The following MRPL38 variants were observed in gnomAD, a reference collection of about 807,000 sequenced individuals.
MRPL38 encodes large ribosomal subunit protein mL38.
A neutral mutation model predicts 52.1 loss-of-function variants in MRPL38; 51 were observed. The observed-to-expected ratio is 0.98, with a 90% CI of 0.78 to 1.24. The LOEUF (loss-of-function observed/expected upper bound fraction) is 1.24. Ranked by LOEUF, MRPL38 falls within the 50% of genes most tolerant of loss-of-function variation. MRPL38 has a pLI of 0.00. For missense variants in MRPL38, 527 were observed against 518.6 expected (o/e 1.02, Z -0.16); for synonymous variants, 245 against 212.7 (o/e 1.15, Z -1.32).
Position 75,900,656 on chromosome 17 carries a change from G to A in MRPL38, c.710+326C>T, listed in dbSNP as rs1022486194. The A allele has an allele frequency of 1.5e-4, 98 of 666,220 alleles. No homozygotes were observed. The Middle Eastern group carries it at 1.7e-3, about 11-fold the overall frequency. The allele number at this position is 666,220 out of a possible 1,614,324, so 41.3% of individuals were successfully genotyped here. A position where few individuals can be genotyped will look rare whatever the true frequency, so the allele number is the denominator to read the frequency against. On this transcript the variant is annotated intron_variant, in intron 6 of 8. Coordinates refer to ENST00000309352, the MANE Select transcript of MRPL38 (RefSeq NM_032478.4). The stretch of plus-strand genomic sequence containing the variant: ...AGAGCACCTGAGCCCAGGAGTTAGC[G>A]GCTGCAATTAGCCATGATTGCACCA...
chr17:75,901,518 G>T lies in MRPL38; in HGVS notation c.591+194C>A. ...CACCACAGACAGCAGGCTGGTCACA[G>T]GAATGTGCTAAGACAGAGCCTCTTT... On this transcript the variant is annotated intron_variant, in intron 4 of 8. Transcript: ENST00000309352. This position sits in a 1 kb window ranked among gnomAD's most constrained non-coding sequence, Gnocchi z 5.7. The T allele has an allele frequency of 1.5e-6, 1 of 665,352 alleles. No homozygotes were observed. Among genetic ancestry groups the T allele is most frequent in the Non-Finnish European group, 2.6e-6 (1 of 385,060 alleles). The allele number at this position is 665,352 out of a possible 1,614,324, so 41.2% of individuals were successfully genotyped here.
rs955135040 is a variant in MRPL38 at position 75,904,883 on chromosome 17, C to A, written c.-8G>T. The A allele has an allele frequency of 4.6e-6, 7 of 1,525,878 alleles. No homozygotes were observed. The African/African-American group carries it at 9.9e-5, about 22-fold the overall frequency. 94.5% of individuals were successfully genotyped at this position (1,525,878 alleles called of 1,614,324 possible). A position where few individuals can be genotyped will look rare whatever the true frequency, so the allele number is the denominator to read the frequency against. On this transcript the variant is annotated 5_prime_UTR_variant, in exon 1 of 9. Transcript: ENST00000309352. ...CCACCAGGGCGCCGCCATCTTCCCTCCGGCCTGCGACACTGCGGCCGCCAC... is the reference window on the plus strand; with the variant it reads ...CCACCAGGGCGCCGCCATCTTCCCTACGGCCTGCGACACTGCGGCCGCCAC...
chr17:75,899,788 G>T, intron 6 of MRPL38, 114 bp from the exon 7 acceptor site: 1 of 918,878 alleles, frequency 1.1e-6, no homozygotes, highest in Non-Finnish European at 1.5e-6. Flanking sequence ...ACAGCTCTAA[G>T]CATCTCTCTC....
Position 75,899,578 on chromosome 17 carries a change from G to C in MRPL38, c.807C>G (p.Ala269=). 1.2e-6 allele frequency: 2 copies of C among 1,608,702 alleles called. No homozygotes were observed. Among genetic ancestry groups the C allele is most frequent in the Non-Finnish European group, 1.7e-6 (2 of 1,176,882 alleles). ...PARGSGIHRL[A]FLLFKQDQPI... Reference sequence around the variant, plus strand: ...GCTGGTCCTGCTTGAAGAGCAGGAAGGCAAGACGGTGGATGCCGGAGCCTC... The same window carrying C: ...GCTGGTCCTGCTTGAAGAGCAGGAACGCAAGACGGTGGATGCCGGAGCCTC... Residue 269 remains alanine (A), a synonymous_variant, in exon 7 of 9, where the codon GCC becomes GCG. Coordinates refer to ENST00000309352, the MANE Select transcript of MRPL38 (RefSeq NM_032478.4).
intron 7 of MRPL38, 77 bp from the exon 8 acceptor site, chr17:75,899,371 C>T (rs1426653314): frequency 6.4e-7 from 1 of 1,550,502 alleles, no homozygotes; most frequent in Non-Finnish European, 8.7e-7. Context: ...CAACAGGTAA[C>T]CCTGAGAGGC....
chr17:75,904,819 G>C lies in MRPL38; in HGVS notation c.57C>G (p.Phe19Leu). The change falls in exon 1 of 9, where the codon TTC (phenylalanine) becomes TTG (leucine). Residue 19 changes from phenylalanine (F) to leucine (L), a missense_variant. Phe to Leu is a conservative substitution (Grantham distance 22, BLOSUM62 0). Coordinates refer to ENST00000309352, the MANE Select transcript of MRPL38 (RefSeq NM_032478.4). ...CTGCCCACCCCTCACCCGAGGTGCT[G>C]AAGCCCCGCCATCTCCGACACTCGC... is the stretch of plus-strand genomic sequence containing the variant. ...ALCECRRWRG[F>L]STSAVLGRRT... The C allele has an allele frequency of 6.9e-7, 1 of 1,457,674 alleles. No homozygotes were observed. The highest frequency in any genetic ancestry group is 9.0e-7 in the Non-Finnish European group (1 of 1,105,990). The allele number at this position is 1,457,674 out of a possible 1,614,324, so 90.3% of individuals were successfully genotyped here.
intron 2 of MRPL38, among the ~76,000 whole-genome samples, chr17:75,902,878 T>C (rs2065411342): frequency 6.6e-6 from 1 of 152,160 alleles, no homozygotes; most frequent in Admixed American, 6.5e-5. Flanking sequence ...CCTGCCACCA[T>C]GCCCGACTAA....
In MRPL38 at chr17:75,904,593, G is replaced by A. The variant is rs1276837723; in HGVS notation, c.194C>T (p.Ala65Val). Residue 65 changes from alanine to valine, a missense_variant, in exon 2 of 9, where the codon GCG becomes GTG. By Grantham distance (64) the Ala-to-Val change is moderately conservative (BLOSUM62 0). Coordinates refer to ENST00000309352, the MANE Select transcript of MRPL38 (RefSeq NM_032478.4). ...DRYRRRAEQE[A>V]QAPHWWRTYR... ...GGTCCGCCACCAGTGCGGGGCCTGC[G>A]CCTCCTGCTCTGCTCGGCGCCGGTA... The A allele has an allele frequency of 1.3e-6, 2 of 1,588,234 alleles. No individual in the cohort carries two copies. The highest frequency in any genetic ancestry group is 1.3e-5 in the African/African-American group (1 of 74,238).
At chr17:75,904,768 C>CCGGGGGGGGGGGGGGGGG in intron 1 of MRPL38, 41 bp downstream of exon 1, 2 of 1,056,380 alleles carry the variant, frequency 1.9e-6, no homozygotes, top group Non-Finnish European at 2.5e-6. Flanking sequence ...GCTCGGGCGA[C>CCGGGGGGGGGGGGGGGGG]AGCCCCCCCC....
rs773657184 is a variant in MRPL38 at position 75,899,518 on chromosome 17, G to A, written c.867C>T (p.Pro289=). 7.0e-6 allele frequency: 11 copies of A among 1,579,440 alleles called. No homozygotes were observed. Among genetic ancestry groups the A allele is most frequent in the Non-Finnish European group, 8.6e-6 (10 of 1,158,530 alleles). The change falls in exon 7 of 9, where the codon CCC becomes CCT. Residue 289 remains proline (P), a splice_region_variant and synonymous_variant. Transcript: ENST00000309352. ...TATGTGTGGGTGGTGTAGATTACCA[G>A]GGTGAGGGGCGTGCGTCCTCAGAGA... ...IDFSEDARPS[P]CYQLAQRTFR...
chr17:75,899,077 C>T (rs906913458), intron 8 of MRPL38, 81 bp downstream of exon 8: 12 of 1,537,602 alleles, frequency 7.8e-6, no homozygotes, highest in Middle Eastern at 4.3e-4. Flanking sequence ...GCAGCCTTCC[C>T]CTAACAAAGC....
intron 2 of MRPL38, 161 bp from the exon 3 acceptor site, chr17:75,902,315 G>C (rs542697014): frequency 3.9e-6 from 3 of 771,696 alleles, no homozygotes; most frequent in Non-Finnish European, 6.1e-6. Flanking sequence ...CATTGCCCAG[G>C]CTGGTATGAA....
chr17:75,900,716 GTCTC>G, intron 6 of MRPL38: 1 of 1,120,666 alleles, frequency 8.9e-7, no homozygotes, highest in Non-Finnish European at 1.1e-6. Flanking sequence ...GTGAGACCCT[GTCTC>G]AAAAAAAAAA....
At chr17:75,903,140 G>GAAGT (rs1197478856) in intron 2 of MRPL38, among the ~76,000 whole-genome samples, 7 of 152,216 alleles carry the variant, frequency 4.6e-5, no homozygotes, top group Non-Finnish European at 1.0e-4. Context: ...CAGGTGCTAT[G>GAAGT]GCTCACGCCT....
At chr17:75,899,426 C>T (rs1158494090) in intron 7 of MRPL38, 90 bp downstream of exon 7, 1 of 1,509,094 alleles carries the variant, frequency 6.6e-7, no homozygotes, top group Non-Finnish European at 8.9e-7. Context: ...CTGCCAGTCT[C>T]AAGGCTGAGG....
Position 75,901,439 on chromosome 17 carries a change from G to A in MRPL38, c.592-166C>T. 1 of 734,188 alleles carries A rather than the reference G, an allele frequency of 1.4e-6. No individual in the cohort carries two copies. The highest frequency in any genetic ancestry group is 1.7e-5 in the South Asian group (1 of 58,932). The allele number at this position is 734,188 out of a possible 1,614,324, so 45.5% of individuals were successfully genotyped here. ...GAGAAGCAGCCCTGCAGAGTTGCCT[G>A]TCCAGGCAACAACCACAAAAACGAA... On this transcript the variant is annotated intron_variant, in intron 4 of 8. Coordinates refer to ENST00000309352, the MANE Select transcript of MRPL38 (RefSeq NM_032478.4). This position sits in a 1 kb window ranked among gnomAD's most constrained non-coding sequence, Gnocchi z 5.7.
Position 75,901,983 on chromosome 17 carries a change from C to A in MRPL38, c.382+37G>T, listed in dbSNP as rs1001871615. On this transcript the variant is annotated intron_variant, in intron 3 of 8. Transcript: ENST00000309352. This position sits in a 1 kb window ranked among gnomAD's most constrained non-coding sequence, Gnocchi z 5.7. ...GGGGGGCAGGGACACACCCTGTACC[C>A]CAACTCTGGGATGGCCCCTCCCCTG... The A allele has an allele frequency of 5.0e-6, 8 of 1,611,974 alleles. No homozygotes were observed. The highest frequency in any genetic ancestry group is 6.8e-6 in the Non-Finnish European group (8 of 1,178,682).
At chr17:75,903,520 G>T (rs1471372378) in intron 2 of MRPL38, among the ~76,000 whole-genome samples, 2 of 152,166 alleles carry the variant, frequency 1.3e-5, no homozygotes, top group Non-Finnish European at 2.9e-5. Context: ...CAATTTTGTA[G>T]CAAAGACACA....
At chr17:75,902,518 ATTATAGGCGC>A (rs2065409671) in intron 2 of MRPL38, among the ~76,000 whole-genome samples, 1 of 152,200 alleles carries the variant, frequency 6.6e-6, no homozygotes, top group South Asian at 2.1e-4. Context: ...AGTAGCTGGG[ATTATAGGCGC>A]AAGCCACTGC....
Sources: allele counts gnomAD v4.1 joint callset (sites outside exome capture counted in the v4.1 genomes callset), GRCh38; gene constraint gnomAD v4.1.1; non-coding constraint Gnocchi (gnomAD v3.1); transcripts MANE v1.5; gene names NCBI Gene and HGNC (gene_info 2026-07-23, HGNC 2026-07-21).